RORA: variants seen among roughly 807,000 people sequenced by gnomAD.
The protein encoded by RORA is nuclear receptor ROR-alpha.
RORA carries 7 observed loss-of-function variants against 69.5 expected under a neutral mutation model. That is an observed-to-expected ratio of 0.10 (90% CI 0.06 to 0.19). The LOEUF (loss-of-function observed/expected upper bound fraction) is 0.19, where lower values mean the gene tolerates loss of function less well. Among genes scored for constraint, RORA ranks in the 10% least tolerant of loss-of-function variants. RORA has a pLI of 1.00. For synonymous variants in RORA, 261 were observed against 240.8 expected, an observed-to-expected ratio of 1.08 and a Z score of -0.78; for missense variants, 457 against 663.0, an observed-to-expected ratio of 0.69 and a Z score of 3.41.
chr15:60,663,028 C>A (rs984696704), intron 2 of RORA, among the ~76,000 whole-genome samples: 6 of 152,150 alleles, frequency 3.9e-5, no homozygotes, highest in Admixed American at 6.6e-5. Flanking sequence ...AAGATGCAGC[C>A]CCCTTGCTTC....
intron 2 of RORA, among the ~76,000 whole-genome samples, chr15:60,538,834 G>A (rs746325694): frequency 2.6e-5 from 4 of 151,712 alleles, no homozygotes; most frequent in Non-Finnish European, 5.9e-5. Flanking sequence ...GTTGACATCT[G>A]ACTCAAATGA....
At chr15:61,011,620 TA>T (rs1023796640) in intron 1 of RORA, among the ~76,000 whole-genome samples, 30 of 146,968 alleles carry the variant, frequency 2.0e-4, no homozygotes, top group Admixed American at 4.8e-4. Flanking sequence ...TCCTACGCAT[TA>T]AAAAAAAAAG....
At chr15:61,060,137 A>T (rs2078162243) in intron 1 of RORA, among the ~76,000 whole-genome samples, 1 of 152,190 alleles carries the variant, frequency 6.6e-6, no homozygotes, top group South Asian at 2.1e-4. Flanking sequence ...CATTGCCTAG[A>T]GCACAATGTG....
At chr15:60,980,371 G>A (rs1020794181) in intron 1 of RORA, among the ~76,000 whole-genome samples, 3 of 152,084 alleles carry the variant, frequency 2.0e-5, no homozygotes, top group Non-Finnish European at 2.9e-5. Flanking sequence ...TCTGGTTTAA[G>A]TATCAGGGTA....
At chr15:60,645,197 G>A (rs917304165) in intron 2 of RORA, among the ~76,000 whole-genome samples, 4 of 151,992 alleles carry the variant, frequency 2.6e-5, no homozygotes, top group Non-Finnish European at 5.9e-5. Context: ...TCAAGAGACT[G>A]TTGGGCGAGG....
chr15:61,014,507 G>C (rs1300103828), intron 1 of RORA, among the ~76,000 whole-genome samples: 2 of 152,106 alleles, frequency 1.3e-5, no homozygotes, highest in Non-Finnish European at 2.9e-5. Flanking sequence ...AGGTCACTTT[G>C]ACTTCTATTC....
intron 7 of RORA, 65 bp from the exon 8 acceptor site, chr15:60,502,932 G>T: frequency 9.4e-7 from 1 of 1,063,944 alleles, no homozygotes; most frequent in Non-Finnish European, 1.5e-6. Flanking sequence ...TTGTTTCTAA[G>T]CTGCTCATGT....
chr15:60,863,484 C>A (rs1447331689), intron 1 of RORA, among the ~76,000 whole-genome samples: 1 of 152,130 alleles, frequency 6.6e-6, no homozygotes, highest in Non-Finnish European at 1.5e-5. Flanking sequence ...ATGAACAGCA[C>A]TCAAACACAT....
chr15:60,726,192 T>C (rs1005709554), intron 1 of RORA, among the ~76,000 whole-genome samples: 3 of 152,160 alleles, frequency 2.0e-5, no homozygotes, highest in Admixed American at 6.5e-5. Context: ...TTCCCCTATA[T>C]TGCTTTCAGA....
chr15:61,135,353 T>A (rs1006919965), intron 1 of RORA, among the ~76,000 whole-genome samples: 11 of 151,332 alleles, frequency 7.3e-5, no homozygotes, highest in Non-Finnish European at 1.6e-4. Flanking sequence ...ATAAATAAAT[T>A]TAAAAATAAA....
chr15:61,054,826 GT>G (rs66846535), intron 1 of RORA, among the ~76,000 whole-genome samples: 23,226 of 134,386 alleles, frequency 0.17, 1,656 homozygotes, highest in South Asian at 0.19. Flanking sequence ...TTTGTTTTTT[GT>G]TTTTTTTTTT....
chr15:61,052,605 G>A (rs1180662328), intron 1 of RORA, among the ~76,000 whole-genome samples: 1 of 152,194 alleles, frequency 6.6e-6, no homozygotes, highest in Non-Finnish European at 1.5e-5. Flanking sequence ...AAGACAGCCT[G>A]TTTCTACACA....
chr15:61,004,362 A>C (rs1317304274), intron 1 of RORA, among the ~76,000 whole-genome samples: 1 of 143,954 alleles, frequency 6.9e-6, no homozygotes, highest in East Asian at 2.0e-4. Flanking sequence ...CTTTATGCTT[A>C]AAATGGAGTC....
chr15:60,611,391 T>C (rs933238746), intron 2 of RORA, among the ~76,000 whole-genome samples: 1 of 151,886 alleles, frequency 6.6e-6, no homozygotes, highest in Non-Finnish European at 1.5e-5. Flanking sequence ...AAAAAGGGAT[T>C]CGATTTGCCA....
At chr15:60,747,969 G>A (rs1421282391) in intron 1 of RORA, among the ~76,000 whole-genome samples, 1 of 152,078 alleles carries the variant, frequency 6.6e-6, no homozygotes, top group Non-Finnish European at 1.5e-5. Context: ...CATTTATATT[G>A]CATTGCCCAC....
rs2141276845 is a variant in RORA, at chr15:60,503,647, T to C, written c.963A>G (p.Gln321=). ...CTTCTGTAATTTTGATGGCACACAATTGCCACATCACCTCCCGCTGCTGTT... is the reference window on the plus strand; with the variant it reads ...CTTCTGTAATTTTGATGGCACACAACTGCCACATCACCTCCCGCTGCTGTT... ...YQNKQREVMW[Q]LCAIKITEAI... is the part of the protein sequence containing the mutation. Residue 321 remains glutamine (Q), a synonymous_variant, in exon 7 of 11, where the codon CAA becomes CAG. Coordinates refer to ENST00000335670, the MANE Select transcript of RORA (RefSeq NM_134261.3). The C allele has an allele frequency of 1.2e-6, 2 of 1,614,022 alleles. No homozygotes were observed. Among genetic ancestry groups the C allele is most frequent in the East Asian group, 2.2e-5 (1 of 44,878 alleles).
At chr15:60,870,111 C>T (rs1360544501) in intron 1 of RORA, among the ~76,000 whole-genome samples, 1 of 152,182 alleles carries the variant, frequency 6.6e-6, no homozygotes, top group African/African-American at 2.4e-5. Context: ...TTCATGATTT[C>T]AGTCATAAGT....
intron 1 of RORA, among the ~76,000 whole-genome samples, chr15:60,822,974 C>A (rs981536596): frequency 1.3e-5 from 2 of 151,124 alleles, no homozygotes; most frequent in Admixed American, 6.6e-5. Flanking sequence ...CTTTCTTTCC[C>A]ATCTTTCCTT....
intron 1 of RORA, among the ~76,000 whole-genome samples, chr15:60,852,615 C>A (rs2073338330): frequency 6.6e-6 from 1 of 152,018 alleles, no homozygotes; most frequent in Non-Finnish European, 1.5e-5. Flanking sequence ...CAGAAAGCAA[C>A]CTGGGAATAT....
Sources: gnomAD v4.1 joint callset for allele counts (sites outside exome capture counted in the v4.1 genomes callset) on GRCh38, gnomAD v4.1.1 for gene constraint, MANE v1.5 for transcripts, NCBI Gene and HGNC (gene_info 2026-07-23, HGNC 2026-07-21) for gene names.